DISP1: variants seen among roughly 807,000 people sequenced by gnomAD.
The protein encoded by DISP1 is protein dispatched homolog 1.
In DISP1, 30 loss-of-function variants were observed where a neutral mutation model predicts 37.3. The observed-to-expected ratio is 0.80, with a 90% CI of 0.60 to 1.09. The LOEUF (loss-of-function observed/expected upper bound fraction) is 1.09, where lower values mean the gene tolerates loss of function less well. Among genes scored for constraint, DISP1 ranks in the 50% least tolerant of loss-of-function variants. DISP1 has a pLI of 0.00. For missense variants in DISP1, 1,598 were observed against 1,879.5 expected (o/e 0.85, Z 2.77); for synonymous variants, 634 against 690.2 (o/e 0.92, Z 1.28).
In DISP1 at chr1:223,003,347, A is replaced by T. The variant is rs73130656; in HGVS notation, c.1950A>T (p.Thr650=). Residue 650 remains threonine (T), a synonymous_variant, in exon 9 of 9, where the codon ACA becomes ACT. Coordinates refer to ENST00000675850, the MANE Select transcript of DISP1 (RefSeq NM_001377229.1). The surrounding 1 kb of genome is among the most constrained non-coding windows in gnomAD (Gnocchi z 4.3). The stretch of plus-strand genomic sequence containing the variant: ...TGGTGAATTACGTTTTGATGGTCAC[A>T]TGGCTTCCAGCAGTTGTTGTGCTGC... ...AILVNYVLMV[T]WLPAVVVLHE... 2.3e-5 allele frequency: 37 copies of T among 1,614,028 alleles called. No homozygotes were observed. Among genetic ancestry groups the T allele is most frequent in the Non-Finnish European group, 3.0e-5 (35 of 1,180,046 alleles).
At chr1:222,846,228 A>G (rs1167286966) in intron 1 of DISP1, among the ~76,000 whole-genome samples, 1 of 152,260 alleles carries the variant, frequency 6.6e-6, no homozygotes, top group Non-Finnish European at 1.5e-5. Context: ...GTGGTGGATC[A>G]TGCCTGTAAT....
chr1:222,933,562 G>A lies in DISP1; in HGVS notation c.-18+4992G>A, dbSNP rs1673531748. Among the ~76,000 whole-genome samples the A allele has an allele frequency of 2.6e-5, 4 of 151,764 alleles. No homozygotes were observed. The South Asian group carries it at 8.3e-4, about 31-fold the overall frequency. ...AGTAGGCTCTTATGAAATATTTAGT[G>A]GTATAGATCTTCAAATATATAATGT... is the stretch of plus-strand genomic sequence containing the variant. On this transcript the variant is annotated intron_variant, in intron 2 of 8. Coordinates refer to ENST00000675850, the MANE Select transcript of DISP1 (RefSeq NM_001377229.1).
At chr1:222,964,920 A>T (rs1019774984) in intron 3 of DISP1, among the ~76,000 whole-genome samples, 2 of 152,198 alleles carry the variant, frequency 1.3e-5, no homozygotes, top group African/African-American at 4.8e-5. Context: ...AAGAAAATGG[A>T]AACGGTGCAG....
intron 2 of DISP1, among the ~76,000 whole-genome samples, chr1:222,942,050 GC>G (rs35299094): frequency 0.26 from 38,817 of 150,448 alleles, 5,239 homozygotes; most frequent in South Asian, 0.47. Context: ...GGTAATTTGA[GC>G]ATCTAAGGAT....
intron 1 of DISP1, among the ~76,000 whole-genome samples, chr1:222,820,303 T>A (rs1264456374): frequency 6.6e-6 from 1 of 152,186 alleles, no homozygotes; most frequent in Non-Finnish European, 1.5e-5. Flanking sequence ...ACTACGTAAC[T>A]ACTTGGGGCA....
chr1:222,952,418 TTATATGA>T (rs1675288396), intron 3 of DISP1, among the ~76,000 whole-genome samples: 1 of 152,174 alleles, frequency 6.6e-6, no homozygotes, highest in African/African-American at 2.4e-5. Flanking sequence ...CAAATGAAAC[TTATATGA>T]TATAGAATAA....
At position 223,005,535 on chromosome 1, in the gene DISP1, A is replaced by T; in HGVS notation, c.4138A>T (p.Ser1380Cys). The T allele has an allele frequency of 6.2e-7, 1 of 1,614,164 alleles. No individual in the cohort carries two copies. Among genetic ancestry groups the T allele is most frequent in the Non-Finnish European group, 8.5e-7 (1 of 1,180,036 alleles). Reference sequence around the variant, plus strand: ...GACCAATGTACACAGTCTTCAGAGGAGCATAGAAGAGCATCTTCCAAAGAT... The same window carrying T: ...GACCAATGTACACAGTCTTCAGAGGTGCATAGAAGAGCATCTTCCAAAGAT... ...GKTNVHSLQR[S>C]IEEHLPKMAE... Residue 1380 changes from serine (S) to cysteine (C), a missense_variant, in exon 9 of 9, where the codon AGC becomes TGC. By Grantham distance (112) the Ser-to-Cys change is moderately radical (BLOSUM62 -1). Transcript: ENST00000675850.
chr1:222,927,159 G>A (rs1673132900), intron 1 of DISP1, among the ~76,000 whole-genome samples: 1 of 151,218 alleles, frequency 6.6e-6, no homozygotes, highest in African/African-American at 2.4e-5. Flanking sequence ...CCCGCTAGCA[G>A]TGTTTAAGGA....
At chr1:222,872,980 T>C (rs1047473053) in intron 1 of DISP1, among the ~76,000 whole-genome samples, 18 of 152,226 alleles carry the variant, frequency 1.2e-4, no homozygotes, top group Admixed American at 1.2e-3. Flanking sequence ...TGTGTCTTTG[T>C]TCTTGTTGGT....
chr1:222,991,235 AAAGT>A (rs1441352072), intron 5 of DISP1, among the ~76,000 whole-genome samples: 3 of 152,374 alleles, frequency 2.0e-5, no homozygotes, highest in Admixed American at 6.5e-5. Context: ...TTATAAGATA[AAAGT>A]AAGTATTTAC....
intron 8 of DISP1, among the ~76,000 whole-genome samples, chr1:222,999,268 A>G (rs1202989421): frequency 6.6e-6 from 1 of 152,184 alleles, no homozygotes; most frequent in African/African-American, 2.4e-5. Flanking sequence ...TAGAAGGGCT[A>G]TATTCCTCAT....
chr1:222,899,858 G>C (rs1037466605), intron 1 of DISP1: 1 of 152,226 alleles, frequency 6.6e-6, no homozygotes, highest in African/African-American at 2.4e-5. Context: ...AGAGTGTTGG[G>C]ATTACAGGTA....
At chr1:222,900,447 T>C (rs920465562) in intron 1 of DISP1, among the ~76,000 whole-genome samples, 22 of 152,230 alleles carry the variant, frequency 1.4e-4, no homozygotes, top group Admixed American at 5.9e-4. Context: ...ATCCAGTTGA[T>C]GAGTAGTTTT....
intron 2 of DISP1, among the ~76,000 whole-genome samples, chr1:222,940,198 C>G (rs553579586): frequency 2.0e-4 from 31 of 152,138 alleles, no homozygotes; most frequent in African/African-American, 7.2e-4. Context: ...TTCATTGGCT[C>G]ACGATTCTGC....
chr1:222,895,094 C>T, intron 1 of DISP1, among the ~76,000 whole-genome samples: 1 of 152,136 alleles, frequency 6.6e-6, no homozygotes, highest in East Asian at 1.9e-4. Flanking sequence ...ATTTGAAAAT[C>T]TAGAGAATAG....
chr1:222,970,065 C>T (rs993931607), intron 3 of DISP1, among the ~76,000 whole-genome samples: 2 of 152,136 alleles, frequency 1.3e-5, no homozygotes, highest in Non-Finnish European at 2.9e-5. Flanking sequence ...AGGAAAAGTA[C>T]TTTGGGAAAT....
At chr1:222,918,802 GAA>G (rs1672641047) in intron 1 of DISP1, among the ~76,000 whole-genome samples, 1 of 152,226 alleles carries the variant, frequency 6.6e-6, no homozygotes, top group African/African-American at 2.4e-5. Context: ...GTTATCAATG[GAA>G]AGTTTTACCC....
In DISP1 at chr1:222,993,148, G is replaced by A. The variant is rs551895077; in HGVS notation, c.889+1038G>A. On this transcript the variant is annotated intron_variant, in intron 7 of 8. Coordinates refer to ENST00000675850, the MANE Select transcript of DISP1 (RefSeq NM_001377229.1). ...CCCAAAGTGCTGGGATTACAGGCAT[G>A]AGCCACCGCACCTGGCCAAGAATCC... is the stretch of plus-strand genomic sequence containing the variant. Among the ~76,000 whole-genome samples the A allele has an allele frequency of 2.0e-5, 3 of 152,252 alleles. No homozygotes were observed. The East Asian group carries it at 5.8e-4, about 29-fold the overall frequency.
intron 3 of DISP1, among the ~76,000 whole-genome samples, chr1:222,951,676 T>C (rs1042562922): frequency 6.6e-6 from 1 of 152,206 alleles, no homozygotes; most frequent in African/African-American, 2.4e-5. Context: ...AATTCAGAGT[T>C]AGTTATTCAC....
Sources: allele counts gnomAD v4.1 joint callset (sites outside exome capture counted in the v4.1 genomes callset), GRCh38; gene constraint gnomAD v4.1.1; non-coding constraint Gnocchi (gnomAD v3.1); transcripts MANE v1.5; gene names NCBI Gene and HGNC (gene_info 2026-07-23, HGNC 2026-07-21).